MPPED2: variants seen among roughly 807,000 people sequenced by gnomAD.
MPPED2 encodes the protein metallophosphoesterase MPPED2.
In MPPED2, 5 loss-of-function variants were observed where a neutral mutation model predicts 33.0. That is an observed-to-expected ratio of 0.15 (90% CI 0.08 to 0.32). The LOEUF is 0.32. Among genes scored for constraint, MPPED2 ranks in the 10% least tolerant of loss-of-function variants. MPPED2 has a pLI of 1.00. For synonymous variants in MPPED2, 136 were observed against 141.9 expected, an observed-to-expected ratio of 0.96 and a Z score of 0.29; for missense variants, 275 against 372.1, an observed-to-expected ratio of 0.74 and a Z score of 2.15.
intron 3 of MPPED2, among the ~76,000 whole-genome samples, chr11:30,506,416 T>C (rs1015578429): frequency 2.6e-5 from 4 of 152,226 alleles, no homozygotes; most frequent in Non-Finnish European, 5.9e-5. Flanking sequence ...CCATCTCCTA[T>C]GTTCTACCTC....
intron 4 of MPPED2, among the ~76,000 whole-genome samples, chr11:30,472,545 A>C (rs1217787140): frequency 6.6e-6 from 1 of 152,232 alleles, no homozygotes. Flanking sequence ...GATAAACAGC[A>C]TGTGATGTAT....
downstream of MPPED2, chr11:30,410,180 C>A (rs1216391655): frequency 1.0e-6 from 1 of 985,534 alleles, no homozygotes; most frequent in Non-Finnish European, 1.2e-6. Context: ...TTCCCCAGGA[C>A]GAAACTACCA....
intron 2 of MPPED2, among the ~76,000 whole-genome samples, chr11:30,568,240 G>A (rs1317885987): frequency 6.6e-6 from 1 of 151,982 alleles, no homozygotes; most frequent in South Asian, 2.1e-4. Context: ...GTAGTTCTGG[G>A]TATACTTTTT....
At chr11:30,409,264 C>A (rs148956424), downstream of MPPED2, among the ~76,000 whole-genome samples, 163 of 152,208 alleles carry the variant, frequency 1.1e-3, no homozygotes, top group African/African-American at 3.7e-3. Context: ...CTCACTCCAA[C>A]CCCCTAGGAT....
chr11:30,455,077 T>C (rs1950224127), intron 4 of MPPED2, among the ~76,000 whole-genome samples: 1 of 152,250 alleles, frequency 6.6e-6, no homozygotes, highest in African/African-American at 2.4e-5. Flanking sequence ...GCCTCTAGTA[T>C]TTACACTGGA....
At chr11:30,582,645 GTTA>G (rs1957221513) in intron 1 of MPPED2, among the ~76,000 whole-genome samples, 1 of 152,168 alleles carries the variant, frequency 6.6e-6, no homozygotes, top group African/African-American at 2.4e-5. Flanking sequence ...ACTTGTAGCA[GTTA>G]GCATGATACC....
At chr11:30,490,429 T>A (rs1007426620) in intron 4 of MPPED2, among the ~76,000 whole-genome samples, 1 of 152,134 alleles carries the variant, frequency 6.6e-6, no homozygotes, top group Admixed American at 6.5e-5. Context: ...CTTGGAAGAA[T>A]GAGATGGTGA....
At chr11:30,584,456 A>G (rs1249553421) in intron 1 of MPPED2, 1 of 152,358 alleles carries the variant, frequency 6.6e-6, no homozygotes, top group African/African-American at 2.4e-5. Context: ...CTGAAACACC[A>G]GCGCCTTACT....
rs117140796 is a variant in MPPED2, at chr11:30,531,281, T to C, written c.310+4713A>G. Reference sequence around the variant, plus strand: ...CTTGTCCCTCTGACCCTAGACTAGATGCCCTGAAGACAGCACTACGGGCAG... The same window carrying C: ...CTTGTCCCTCTGACCCTAGACTAGACGCCCTGAAGACAGCACTACGGGCAG... On this transcript the variant is annotated intron_variant, in intron 3 of 6. Coordinates refer to ENST00000358117, the MANE Select transcript of MPPED2 (RefSeq NM_001584.3). 1.5e-3 allele frequency among the ~76,000 whole-genome samples: 231 copies of C among 152,314 alleles called. 6 individuals carry two copies. The East Asian group carries it at 0.041, about 27-fold the overall frequency.
chr11:30,482,073 G>A (rs1159014371), intron 4 of MPPED2, among the ~76,000 whole-genome samples: 3 of 152,040 alleles, frequency 2.0e-5, no homozygotes, highest in East Asian at 1.9e-4. Context: ...CACATTTTAC[G>A]GCTACAGAAT....
intron 2 of MPPED2, among the ~76,000 whole-genome samples, chr11:30,554,522 TCTCA>T (rs1955874809): frequency 6.6e-6 from 1 of 152,090 alleles, no homozygotes; most frequent in Non-Finnish European, 1.5e-5. Context: ...TGAGATAGAG[TCTCA>T]CTCTGTTACC....
intron 2 of MPPED2, among the ~76,000 whole-genome samples, chr11:30,551,311 G>A (rs754624080): frequency 6.6e-6 from 1 of 152,156 alleles, no homozygotes; most frequent in African/African-American, 2.4e-5. Flanking sequence ...TTTTACAGAT[G>A]AGAAATACTG....
At chr11:30,545,455 T>C (rs1430325209) in intron 2 of MPPED2, among the ~76,000 whole-genome samples, 1 of 152,126 alleles carries the variant, frequency 6.6e-6, no homozygotes, top group East Asian at 1.9e-4. Context: ...TACAACATCC[T>C]ACACCGAGTC....
intron 3 of MPPED2, among the ~76,000 whole-genome samples, chr11:30,510,665 T>C (rs1953119488): frequency 6.6e-6 from 1 of 152,228 alleles, no homozygotes; most frequent in Non-Finnish European, 1.5e-5. Context: ...TCATTGACTC[T>C]TAAATGGTGA....
intron 6 of MPPED2, among the ~76,000 whole-genome samples, chr11:30,389,579 A>C (rs1163385031): frequency 6.6e-6 from 1 of 152,230 alleles, no homozygotes; most frequent in Non-Finnish European, 1.5e-5. Context: ...TTTAGGTTTA[A>C]AATAATTCTC....
At chr11:30,478,907 G>A (rs1951346902) in intron 4 of MPPED2, among the ~76,000 whole-genome samples, 1 of 152,112 alleles carries the variant, frequency 6.6e-6, no homozygotes, top group African/African-American at 2.4e-5. Context: ...ATATGAGCAG[G>A]CTGTTTGACA....
chr11:30,385,299 A>G (rs540951631), exon 7 of MPPED2: 8 of 152,330 alleles, frequency 5.3e-5, no homozygotes, highest in African/African-American at 1.9e-4. Flanking sequence ...ATCAATGTCA[A>G]TATGGTTTTA....
At chr11:30,550,372 T>C (rs1239459831) in intron 2 of MPPED2, among the ~76,000 whole-genome samples, 1 of 152,132 alleles carries the variant, frequency 6.6e-6, no homozygotes, top group African/African-American at 2.4e-5. Context: ...GACTAGAATA[T>C]AATTTTTCTT....
Position 30,487,509 on chromosome 11 carries a change from G to T in MPPED2, c.536+7787C>A, listed in dbSNP as rs115558656. On this transcript the variant is annotated intron_variant, in intron 4 of 6. Coordinates refer to ENST00000358117, the MANE Select transcript of MPPED2 (RefSeq NM_001584.3). ...TAAATCTGTGTGTGTGAGAGACAGG[G>T]TTTCCCTCTGTCACCCAGGCTGAGT... Among the ~76,000 whole-genome samples, 969 of 152,254 alleles carry T rather than the reference G, an allele frequency of 6.4e-3. 15 individuals carry two copies. The highest frequency in any genetic ancestry group is 0.02 in the African/African-American group (836 of 41,522).
Sources: allele counts gnomAD v4.1 joint callset (sites outside exome capture counted in the v4.1 genomes callset), GRCh38; gene constraint gnomAD v4.1.1; transcripts MANE v1.5; gene names NCBI Gene and HGNC (gene_info 2026-07-23, HGNC 2026-07-21).